Variants in SAMMSON observed in about 807,000 individuals in gnomAD.
SAMMSON encodes the protein survival associated mitochondrial melanoma specific oncogenic non-coding RNA.
chr3:70,388,121 T>C (rs1290205451), intron 9 of SAMMSON, among the ~76,000 whole-genome samples: 1 of 152,136 alleles, frequency 6.6e-6, no homozygotes, highest in Non-Finnish European at 1.5e-5. Context: ...AGGAGAAGTT[T>C]AAGACTCTGA....
intron 7 of SAMMSON, among the ~76,000 whole-genome samples, chr3:70,352,110 CAAAAA>C (rs71126499): frequency 2.2e-5 from 3 of 138,948 alleles, no homozygotes; most frequent in Admixed American, 7.1e-5. Flanking sequence ...CTCAATCTGG[CAAAAA>C]AAAAAAAAAA....
At chr3:70,007,729 T>C (rs1437182073) in intron 1 of SAMMSON, among the ~76,000 whole-genome samples, 1 of 152,202 alleles carries the variant, frequency 6.6e-6, no homozygotes, top group East Asian at 1.9e-4. Flanking sequence ...CCCATGCCTA[T>C]GTCCTGAATG....
chr3:70,237,817 G>A (rs1226024260), intron 4 of SAMMSON, among the ~76,000 whole-genome samples: 1 of 152,072 alleles, frequency 6.6e-6, no homozygotes, highest in Non-Finnish European at 1.5e-5. Flanking sequence ...ATGGACAAAG[G>A]CAGAGTATTT....
intron 7 of SAMMSON, among the ~76,000 whole-genome samples, chr3:70,316,664 T>A (rs776224763): frequency 5.9e-5 from 9 of 152,066 alleles, no homozygotes; most frequent in Non-Finnish European, 8.8e-5. Context: ...AACACTAGTC[T>A]AAGGTATCAA....
At chr3:70,252,682 C>G (rs1038636306) in intron 6 of SAMMSON, among the ~76,000 whole-genome samples, 3 of 152,010 alleles carry the variant, frequency 2.0e-5, no homozygotes, top group African/African-American at 7.3e-5. Flanking sequence ...ACTGTATTGC[C>G]CTATGTTTAT....
rs73837920 is a variant in SAMMSON, at chr3:70,404,061, A to G, written n.233+45737A>G. 2.7e-3 allele frequency among the ~76,000 whole-genome samples: 406 copies of G among 152,250 alleles called. 1 individual carries two copies. The highest frequency in any genetic ancestry group is 9.3e-3 in the African/African-American group (385 of 41,574). ...ATACTGATTATATGGAATCTTTAAA[A>G]TGTGTTGTGAATAGGTTTTTGATTC... On this transcript the variant is annotated intron_variant and non_coding_transcript_variant, in intron 2 of 3. Transcript: ENST00000641053.
At chr3:70,094,181 T>C (rs1199268843) in intron 4 of SAMMSON, among the ~76,000 whole-genome samples, 1 of 152,162 alleles carries the variant, frequency 6.6e-6, no homozygotes, top group Admixed American at 6.5e-5. Context: ...ATCTCCAAAA[T>C]ATCTCTTGAT....
chr3:70,003,337 T>C (rs764145782), intron 1 of SAMMSON, among the ~76,000 whole-genome samples: 3 of 152,034 alleles, frequency 2.0e-5, no homozygotes, highest in Non-Finnish European at 4.4e-5. Flanking sequence ...ATAGTTAATG[T>C]AATTATTGAT....
At chr3:70,284,192 G>T (rs1702117392) in intron 6 of SAMMSON, among the ~76,000 whole-genome samples, 1 of 152,108 alleles carries the variant, frequency 6.6e-6, no homozygotes, top group Non-Finnish European at 1.5e-5. Flanking sequence ...TCTAATTAGA[G>T]AGACTTAATG....
chr3:70,389,361 C>G (rs552272431), intron 9 of SAMMSON, among the ~76,000 whole-genome samples: 2 of 152,178 alleles, frequency 1.3e-5, no homozygotes, highest in South Asian at 2.1e-4. Context: ...GCCAAAAACT[C>G]AGTTTAAAAT....
chr3:70,371,327 AT>A (rs994010331), intron 9 of SAMMSON, among the ~76,000 whole-genome samples: 2 of 151,034 alleles, frequency 1.3e-5, no homozygotes, highest in African/African-American at 2.4e-5. Context: ...GAATTTTAGG[AT>A]TTTTTTTCTT....
chr3:70,301,574 T>A (rs925311526), intron 7 of SAMMSON, among the ~76,000 whole-genome samples: 4 of 152,092 alleles, frequency 2.6e-5, no homozygotes, highest in African/African-American at 9.7e-5. Context: ...TAATTATATA[T>A]TATTTTGTAA....
At chr3:70,124,716 G>A (rs1438621040) in intron 4 of SAMMSON, among the ~76,000 whole-genome samples, 2 of 149,718 alleles carry the variant, frequency 1.3e-5, no homozygotes, top group Non-Finnish European at 3.0e-5. Context: ...TTGGGAGGCT[G>A]AGGCAGGAGA....
chr3:70,434,373 AT>A (rs1214317365), intron 2 of SAMMSON, among the ~76,000 whole-genome samples: 1 of 152,084 alleles, frequency 6.6e-6, no homozygotes, highest in African/African-American at 2.4e-5. Flanking sequence ...TAAGTATTTA[AT>A]TTTGTGTTAA....
At chr3:70,341,871 T>C (rs1171111628) in intron 7 of SAMMSON, among the ~76,000 whole-genome samples, 1 of 152,184 alleles carries the variant, frequency 6.6e-6, no homozygotes, top group Non-Finnish European at 1.5e-5. Context: ...TGTTTATTGA[T>C]ATTGGATATA....
chr3:70,152,614 A>T (rs918362463), intron 4 of SAMMSON, among the ~76,000 whole-genome samples: 2 of 151,924 alleles, frequency 1.3e-5, no homozygotes, highest in Non-Finnish European at 1.5e-5. Flanking sequence ...GCAATGGACT[A>T]TTTTCCCCTT....
chr3:70,237,773 T>G (rs1701624440), intron 4 of SAMMSON, among the ~76,000 whole-genome samples: 1 of 152,218 alleles, frequency 6.6e-6, no homozygotes, highest in Non-Finnish European at 1.5e-5. Flanking sequence ...TGTTATGATT[T>G]GTATGCCGGT....
intron 7 of SAMMSON, among the ~76,000 whole-genome samples, chr3:70,334,361 G>A (rs1161801856): frequency 1.3e-5 from 2 of 151,886 alleles, no homozygotes; most frequent in Non-Finnish European, 2.9e-5. Context: ...AGAATGCCTT[G>A]AGATAAAAGT....
intron 1 of SAMMSON, among the ~76,000 whole-genome samples, chr3:70,000,154 G>A (rs948921196): frequency 2.6e-5 from 4 of 152,158 alleles, no homozygotes; most frequent in South Asian, 2.1e-4. Flanking sequence ...AGTAACACAC[G>A]CCTGCTGGGG....
Sources: allele counts gnomAD v4.1 joint callset (sites outside exome capture counted in the v4.1 genomes callset), GRCh38; gene constraint gnomAD v4.1.1; transcripts MANE v1.5; gene names NCBI Gene and HGNC (gene_info 2026-07-23, HGNC 2026-07-21).